LARGE1: variants seen among roughly 807,000 people sequenced by gnomAD.
LARGE1 encodes LARGE xylosyl- and glucuronyltransferase 1.
Under a neutral mutation model 87.6 loss-of-function variants are expected in LARGE1, and 43 were observed. The observed-to-expected ratio is 0.49, with a 90% CI of 0.38 to 0.63. The LOEUF (loss-of-function observed/expected upper bound fraction) is 0.63. LARGE1 is among the 30% of genes least tolerant of loss of function. LARGE1 has a pLI of 0.00. For synonymous variants in LARGE1, 434 were observed against 394.6 expected, an observed-to-expected ratio of 1.10 and a Z score of -1.18; for missense variants, 802 against 1,000.2, an observed-to-expected ratio of 0.80 and a Z score of 2.67.
chr22:33,308,903 G>A (rs892269697), intron 11 of LARGE1, among the ~76,000 whole-genome samples: 1 of 152,160 alleles, frequency 6.6e-6, no homozygotes. Context: ...AAAGTGTCTG[G>A]TGCAAAGCTA....
chr22:33,719,348 T>C (rs1323734679), intron 2 of LARGE1, among the ~76,000 whole-genome samples: 4 of 152,100 alleles, frequency 2.6e-5, no homozygotes, highest in Non-Finnish European at 5.9e-5. Context: ...AAGTGCGCAG[T>C]GTTTAGAAAG....
downstream of LARGE1, chr22:33,162,126 A>G (rs901109002): frequency 6.6e-6 from 1 of 152,260 alleles, no homozygotes; most frequent in African/African-American, 2.4e-5. Flanking sequence ...ATTTTCAGGT[A>G]TCTTTACAGT....
At chr22:33,856,853 T>C (rs2063769668) in intron 1 of LARGE1, 3 of 152,232 alleles carry the variant, frequency 2.0e-5, no homozygotes, top group East Asian at 1.9e-4. Flanking sequence ...TGAACCTGTC[T>C]GTCATTATCC....
At chr22:33,827,635 C>T (rs1601713650) in intron 1 of LARGE1, among the ~76,000 whole-genome samples, 3 of 152,232 alleles carry the variant, frequency 2.0e-5, no homozygotes, top group South Asian at 4.2e-4. Flanking sequence ...CCACAGAGGG[C>T]GTGTGATGAG....
intron 6 of LARGE1, among the ~76,000 whole-genome samples, chr22:33,560,817 CTTT>C (rs10710316): frequency 4.9e-5 from 7 of 142,306 alleles, no homozygotes; most frequent in Admixed American, 7.0e-5. Context: ...GTTTATTTAA[CTTT>C]TTTTTTTTTT....
At chr22:33,222,936 C>G (rs1369125259) in intron 11 of LARGE1, among the ~76,000 whole-genome samples, 1 of 152,166 alleles carries the variant, frequency 6.6e-6, no homozygotes, top group Non-Finnish European at 1.5e-5. Flanking sequence ...TTGCAGGCCC[C>G]CCCAGTCTCC....
chr22:33,727,273 G>A (rs894475957), intron 2 of LARGE1, among the ~76,000 whole-genome samples: 2 of 152,324 alleles, frequency 1.3e-5, no homozygotes, highest in Admixed American at 6.5e-5. Flanking sequence ...GAGCTGGTTT[G>A]ATTAAGCCAT....
At chr22:33,261,055 T>C (rs1927598147) in intron 11 of LARGE1, among the ~76,000 whole-genome samples, 1 of 152,164 alleles carries the variant, frequency 6.6e-6, no homozygotes, top group African/African-American at 2.4e-5. Flanking sequence ...CAGTTCAGTC[T>C]CCGGAACATT....
intron 11 of LARGE1, among the ~76,000 whole-genome samples, chr22:33,192,924 G>A (rs559933699): frequency 1.4e-4 from 22 of 152,302 alleles, no homozygotes; most frequent in Middle Eastern, 6.8e-3. Flanking sequence ...TGAAGAAATT[G>A]TACTTTCCTC....
At chr22:33,905,895 T>TGAG (rs1315640831) in intron 1 of LARGE1, among the ~76,000 whole-genome samples, 2 of 152,058 alleles carry the variant, frequency 1.3e-5, no homozygotes, top group Non-Finnish European at 2.9e-5. Flanking sequence ...TTTGGGAGGC[T>TGAG]GAGGAGGGTG....
At chr22:33,333,190 T>G (rs1424219656) in intron 10 of LARGE1, among the ~76,000 whole-genome samples, 1 of 152,088 alleles carries the variant, frequency 6.6e-6, no homozygotes, top group African/African-American at 2.4e-5. Flanking sequence ...CGGCTATTTT[T>G]TTGTATTTTT....
chr22:33,808,773 T>C (rs2086397095), intron 1 of LARGE1, among the ~76,000 whole-genome samples: 1 of 152,136 alleles, frequency 6.6e-6, no homozygotes, highest in South Asian at 2.1e-4. Context: ...CATGAACTGT[T>C]TGTGAACTTC....
At chr22:33,718,638 C>T (rs13057574) in intron 2 of LARGE1, among the ~76,000 whole-genome samples, 3 of 152,212 alleles carry the variant, frequency 2.0e-5, no homozygotes, top group African/African-American at 7.2e-5. Flanking sequence ...AGGTGCCTTC[C>T]CTATCCTAAC....
intron 6 of LARGE1, among the ~76,000 whole-genome samples, chr22:33,534,635 T>G (rs1264570232): frequency 1.3e-5 from 2 of 151,684 alleles, no homozygotes; most frequent in African/African-American, 4.9e-5. Context: ...AGAGTGTGGA[T>G]TATTAGAATT....
At chr22:33,744,117 T>C (rs1314577690) in intron 2 of LARGE1, 1 of 152,218 alleles carries the variant, frequency 6.6e-6, no homozygotes. Flanking sequence ...TCTATTTTAT[T>C]TGCAATCACA....
chr22:33,784,224 A>T (rs186596814), intron 1 of LARGE1, among the ~76,000 whole-genome samples: 1 of 152,300 alleles, frequency 6.6e-6, no homozygotes, highest in Admixed American at 6.5e-5. Flanking sequence ...ATTTTCTATC[A>T]TATACTGAGC....
chr22:33,411,200 G>A (rs561655995), intron 7 of LARGE1, among the ~76,000 whole-genome samples: 10 of 152,238 alleles, frequency 6.6e-5, no homozygotes, highest in African/African-American at 2.2e-4. Flanking sequence ...TTTCAGGAAC[G>A]GCCACCCCCG....
intron 1 of LARGE1, among the ~76,000 whole-genome samples, chr22:33,819,059 A>G (rs73171912): frequency 0.023 from 3,515 of 152,292 alleles, 63 homozygotes; most frequent in Middle Eastern, 0.051. Context: ...ATTTATCATC[A>G]TGCTCAAAAA....
At chr22:33,142,067 C>T in the LARGE1 span, among the ~76,000 whole-genome samples, 1 of 152,042 alleles carries the variant, frequency 6.6e-6, no homozygotes, top group African/African-American at 2.4e-5. Context: ...TTTTTATACC[C>T]TAAGCCTGGC....
Sources: allele counts gnomAD v4.1 joint callset (sites outside exome capture counted in the v4.1 genomes callset), GRCh38; gene constraint gnomAD v4.1.1; transcripts MANE v1.5; gene names NCBI Gene and HGNC (gene_info 2026-07-23, HGNC 2026-07-21).